Variants in EXOC2 observed in about 807,000 individuals in gnomAD.
EXOC2 encodes the protein SEC5-like 1.
A neutral mutation model predicts 131.8 loss-of-function variants in EXOC2; 70 were observed. The observed-to-expected ratio is 0.53, with a 90% CI of 0.44 to 0.65. The LOEUF is 0.65. EXOC2 is among the 30% of genes least tolerant of loss of function. The pLI, the probability that EXOC2 is intolerant of heterozygous loss-of-function variation, is 0.00. For missense variants in EXOC2, 923 were observed against 1,108.6 expected (o/e 0.83, Z 2.38); for synonymous variants, 411 against 398.4 (o/e 1.03, Z -0.38).
intron 26 of EXOC2, 23 bp from the exon 27 acceptor site, chr6:489,061 G>C: frequency 6.2e-7 from 1 of 1,613,226 alleles, no homozygotes; most frequent in Non-Finnish European, 8.5e-7. Context: ...CAGCCACACT[G>C]AAGTTGAAGC....
intron 23 of EXOC2, among the ~76,000 whole-genome samples, chr6:522,039 C>G (rs986001451): frequency 6.6e-6 from 1 of 152,184 alleles, no homozygotes; most frequent in Non-Finnish European, 1.5e-5. Context: ...TTGAGTAACC[C>G]TTACCAAGGC....
intron 24 of EXOC2, 60 bp from the exon 25 acceptor site, chr6:497,549 G>C: frequency 1.3e-6 from 2 of 1,545,884 alleles, no homozygotes; most frequent in South Asian, 2.6e-5. Flanking sequence ...ATTTGTTAAA[G>C]ACAAAGTTAA....
chr6:659,123 C>T (rs1342855193), intron 1 of EXOC2, among the ~76,000 whole-genome samples: 1 of 152,120 alleles, frequency 6.6e-6, no homozygotes, highest in Admixed American at 6.5e-5. Context: ...TTTCAATTGA[C>T]CTTTTATGTC....
chr6:627,102 T>C (rs1248443365), intron 4 of EXOC2, among the ~76,000 whole-genome samples: 1 of 151,972 alleles, frequency 6.6e-6, no homozygotes, highest in African/African-American at 2.4e-5. Flanking sequence ...ATCTGAAAAA[T>C]AGTAAGTAAA....
At chr6:685,263 T>C (rs1764594108) in intron 1 of EXOC2, among the ~76,000 whole-genome samples, 1 of 152,158 alleles carries the variant, frequency 6.6e-6, no homozygotes, top group South Asian at 2.1e-4. Context: ...CAGAACCACT[T>C]TGGGTCCAGA....
intron 1 of EXOC2, among the ~76,000 whole-genome samples, chr6:642,938 A>G (rs9392725): frequency 0.71 from 107,054 of 151,358 alleles, 38,488 homozygotes; most frequent in Middle Eastern, 0.88. Flanking sequence ...AAAAAAAAAA[A>G]GTTCATTGCA....
At chr6:521,562 C>G (rs1224914553) in intron 23 of EXOC2, among the ~76,000 whole-genome samples, 1 of 150,384 alleles carries the variant, frequency 6.6e-6, no homozygotes, top group Non-Finnish European at 1.5e-5. Flanking sequence ...CAGGGTCTGT[C>G]TGTCACCCAG....
intron 4 of EXOC2, among the ~76,000 whole-genome samples, chr6:620,703 T>C (rs1326748722): frequency 6.6e-6 from 1 of 151,414 alleles, no homozygotes; most frequent in African/African-American, 2.4e-5. Context: ...GCTTAGTTCG[T>C]GATCCACACT....
rs372565925 is a variant in EXOC2 at position 555,301 on chromosome 6, A to C, written c.1993-13T>G. The C allele has an allele frequency of 1.2e-4, 189 of 1,520,662 alleles. 1 individual carries two copies. The African/African-American group carries it at 2.0e-3, about 16-fold the overall frequency. The allele number at this position is 1,520,662 out of a possible 1,614,324, so 94.2% of individuals were successfully genotyped here. A position where few individuals can be genotyped will look rare whatever the true frequency, so the allele number is the denominator to read the frequency against. ...AGTATATAAAAACCTAAGTGAAAACATAAGTTTCAGAACTCTCAGAGGAAT... is the reference window on the plus strand; with the variant it reads ...AGTATATAAAAACCTAAGTGAAAACCTAAGTTTCAGAACTCTCAGAGGAAT... On this transcript the variant is annotated splice_polypyrimidine_tract_variant and intron_variant, in intron 19 of 27. Transcript: ENST00000230449.
At chr6:489,679 A>C (rs1427564337) in intron 26 of EXOC2, among the ~76,000 whole-genome samples, 1 of 152,244 alleles carries the variant, frequency 6.6e-6, no homozygotes, top group Non-Finnish European at 1.5e-5. Flanking sequence ...ATCATAGGGG[A>C]GACTGTGGTA....
chr6:511,039 G>A (rs956878435), intron 23 of EXOC2, among the ~76,000 whole-genome samples: 1 of 152,238 alleles, frequency 6.6e-6, no homozygotes, highest in Non-Finnish European at 1.5e-5. Context: ...TTAATGAGCT[G>A]AGATCAAAAC....
rs1180151369 is a variant in EXOC2, at chr6:485,976, A to G, written c.*695T>C. On this transcript the variant is annotated 3_prime_UTR_variant, in exon 28 of 28. Transcript: ENST00000230449. ...GGGCCTCAGGGACTGCAACACGTGC[A>G]TGTGTAGTGACGCACGACAAATTAA... The G allele has an allele frequency of 6.6e-6, 1 of 152,268 alleles. No homozygotes were observed. The highest frequency in any genetic ancestry group is 1.5e-5 in the Non-Finnish European group (1 of 68,042). 9.4% of individuals were successfully genotyped at this position (152,268 alleles called of 1,614,324 possible).
chr6:558,928 ACACT>A (rs1757563705), intron 17 of EXOC2, among the ~76,000 whole-genome samples: 1 of 152,220 alleles, frequency 6.6e-6, no homozygotes, highest in Admixed American at 6.5e-5. Context: ...TTTTATACCC[ACACT>A]AATATAATAA....
chr6:513,727 GTCAC>G (rs1367428219), intron 23 of EXOC2, among the ~76,000 whole-genome samples: 1 of 152,298 alleles, frequency 6.6e-6, no homozygotes, highest in Non-Finnish European at 1.5e-5. Context: ...TACTCTGGTT[GTCAC>G]TCAAACATTT....
rs757551831 is a variant in EXOC2, at chr6:598,135, G to T, written c.971-12C>A. On this transcript the variant is annotated splice_polypyrimidine_tract_variant and intron_variant, in intron 9 of 27. Transcript: ENST00000230449. ...TACTTCAGCATAATCTATTTAAAAAGAAAAGAATACACAAGATTTACAGAA... is the reference window on the plus strand; with the variant it reads ...TACTTCAGCATAATCTATTTAAAAATAAAAGAATACACAAGATTTACAGAA... The T allele has an allele frequency of 1.9e-6, 3 of 1,569,086 alleles. 1 individual carries two copies. The highest frequency in any genetic ancestry group is 3.4e-4 in the Middle Eastern group (2 of 5,940).
At chr6:535,769 G>C (rs1475539381) in intron 22 of EXOC2, among the ~76,000 whole-genome samples, 1 of 152,088 alleles carries the variant, frequency 6.6e-6, no homozygotes, top group East Asian at 1.9e-4. Flanking sequence ...ATAGAATAGA[G>C]GCTGAAAGCA....
At position 606,491 on chromosome 6, in the gene EXOC2, G is replaced by A. The variant is rs549638308; in HGVS notation, c.742+3607C>T. On this transcript the variant is annotated intron_variant, in intron 7 of 27. Coordinates refer to ENST00000230449, the MANE Select transcript of EXOC2 (RefSeq NM_018303.6). ...CATCAGAAACATTTAAAATTAAAGCGTCATATTTCTTTGTAGAAAAACTTA... is the reference window on the plus strand; with the variant it reads ...CATCAGAAACATTTAAAATTAAAGCATCATATTTCTTTGTAGAAAAACTTA... Among the ~76,000 whole-genome samples, 117 of 152,172 alleles carry A rather than the reference G, an allele frequency of 7.7e-4. 1 individual carries two copies. The highest frequency in any genetic ancestry group is 2.7e-3 in the African/African-American group (112 of 41,526).
chr6:492,935 AAAGTT>A (rs1763521099), intron 25 of EXOC2, among the ~76,000 whole-genome samples: 2 of 152,222 alleles, frequency 1.3e-5, no homozygotes, highest in Non-Finnish European at 2.9e-5. Context: ...TTTTAAGAAA[AAAGTT>A]AAGCTTTCAC....
chr6:631,135 C>T (rs1019909548), intron 3 of EXOC2, among the ~76,000 whole-genome samples: 4 of 152,230 alleles, frequency 2.6e-5, no homozygotes, highest in Non-Finnish European at 5.9e-5. Flanking sequence ...ACCAGGCAAC[C>T]TGTAGCTGCA....
Sources: allele counts gnomAD v4.1 joint callset (sites outside exome capture counted in the v4.1 genomes callset), GRCh38; gene constraint gnomAD v4.1.1; transcripts MANE v1.5; gene names NCBI Gene and HGNC (gene_info 2026-07-23, HGNC 2026-07-21).